AGBL1: variants seen among roughly 807,000 people sequenced by gnomAD.
AGBL1 encodes cytosolic carboxypeptidase 4.
A neutral mutation model predicts 118.9 loss-of-function variants in AGBL1; 130 were observed. That is an observed-to-expected ratio of 1.09 (90% CI 0.95 to 1.26). The LOEUF (loss-of-function observed/expected upper bound fraction) is 1.26. AGBL1 is among the 50% of genes most tolerant of loss of function. The pLI, the probability that AGBL1 is intolerant of heterozygous loss-of-function variation, is 0.00. For synonymous variants in AGBL1, 555 were observed against 478.9 expected, an observed-to-expected ratio of 1.16 and a Z score of -2.08; for missense variants, 1,584 against 1,298.1, an observed-to-expected ratio of 1.22 and a Z score of -3.38.
At chr15:86,896,679 T>G (rs1032645123) in intron 22 of AGBL1, among the ~76,000 whole-genome samples, 1 of 152,204 alleles carries the variant, frequency 6.6e-6, no homozygotes, top group South Asian at 2.1e-4. Context: ...CTGTAAAAGA[T>G]AAATTATTCC....
intron 24 of AGBL1, among the ~76,000 whole-genome samples, chr15:86,989,941 G>T (rs2081322361): frequency 6.6e-6 from 1 of 152,186 alleles, no homozygotes; most frequent in East Asian, 1.9e-4. Flanking sequence ...AACAGTGTGA[G>T]TGGGGTTCTA....
At chr15:86,743,568 T>A (rs2077711652) in intron 22 of AGBL1, among the ~76,000 whole-genome samples, 1 of 152,128 alleles carries the variant, frequency 6.6e-6, no homozygotes, top group Non-Finnish European at 1.5e-5. Flanking sequence ...CGTTCTTACC[T>A]GAATAACCCA....
In AGBL1 at chr15:86,579,480, C is replaced by T. The variant is rs544032087; in HGVS notation, c.2994+24943C>T. On this transcript the variant is annotated intron_variant, in intron 21 of 22. Coordinates refer to ENST00000614907, the MANE Select transcript of AGBL1 (RefSeq NM_001386094.1). ...GACTAAAATGAGGAAGCTGATATTT[C>T]TACTTTCTCCACGTAAGTCTCAATG... Among the ~76,000 whole-genome samples, 11 of 152,276 alleles carry T rather than the reference C, an allele frequency of 7.2e-5. No homozygotes were observed. The East Asian group carries it at 2.1e-3, about 29-fold the overall frequency.
At chr15:86,798,849 G>T (rs1187267484) in intron 22 of AGBL1, among the ~76,000 whole-genome samples, 1 of 151,456 alleles carries the variant, frequency 6.6e-6, no homozygotes, top group Non-Finnish European at 1.5e-5. Flanking sequence ...TGTTGTTGTC[G>T]TTTGTCCGTT....
At chr15:86,346,970 T>C (rs2080547702) in intron 17 of AGBL1, among the ~76,000 whole-genome samples, 1 of 152,226 alleles carries the variant, frequency 6.6e-6, no homozygotes, top group Admixed American at 6.5e-5. Flanking sequence ...ATGCTTCGTT[T>C]ACACAATATG....
At chr15:86,651,438 A>G (rs1015017817) in intron 21 of AGBL1, among the ~76,000 whole-genome samples, 2 of 152,208 alleles carry the variant, frequency 1.3e-5, no homozygotes, top group Non-Finnish European at 2.9e-5. Flanking sequence ...GTAGAAACAC[A>G]TAAGAAATGG....
At chr15:86,468,047 AG>A (rs1316934523) in intron 18 of AGBL1, among the ~76,000 whole-genome samples, 1 of 152,074 alleles carries the variant, frequency 6.6e-6, no homozygotes, top group Non-Finnish European at 1.5e-5. Context: ...TCCTTGGGGC[AG>A]GAATATGACT....
rs1342492312 is a variant in AGBL1, at chr15:86,154,353, C to T, written c.263-77C>T. 12 of 1,476,838 alleles carry T rather than the reference C, an allele frequency of 8.1e-6. 1 individual carries two copies. Among genetic ancestry groups the T allele is most frequent in the Non-Finnish European group, 9.1e-6 (10 of 1,093,952 alleles). The allele number at this position is 1,476,838 out of a possible 1,614,324, so 91.5% of individuals were successfully genotyped here. On this transcript the variant is annotated intron_variant, in intron 3 of 22. Coordinates refer to ENST00000614907, the MANE Select transcript of AGBL1 (RefSeq NM_001386094.1). The stretch of plus-strand genomic sequence containing the variant: ...TTATCCTCCTCCTTCACCATCTTCC[C>T]CTTCCTCCACTGTACTCATTGTACA...
intron 22 of AGBL1, among the ~76,000 whole-genome samples, chr15:86,855,733 G>A (rs1041748105): frequency 1.3e-5 from 2 of 152,124 alleles, no homozygotes; most frequent in African/African-American, 2.4e-5. Context: ...CACAGATCCC[G>A]TCATCTTCCT....
At chr15:86,489,761 C>T (rs779248269) in intron 18 of AGBL1, among the ~76,000 whole-genome samples, 4 of 152,112 alleles carry the variant, frequency 2.6e-5, no homozygotes, top group Admixed American at 2.0e-4. Context: ...TTGCCCTTGA[C>T]TGAAAAAGTT....
rs564151303 is a variant in AGBL1 at position 86,686,670 on chromosome 15, C to G, written c.3158+12234C>G. Among the ~76,000 whole-genome samples, 13 of 152,182 alleles carry G rather than the reference C, an allele frequency of 8.5e-5. No individual in the cohort carries two copies. The South Asian group carries it at 2.7e-3, about 32-fold the overall frequency. ...GCCAGGCTGGTCTTGAACTCCTAAC[C>G]TCGTGATCTGCCTGCCTTGGCCTCC... On this transcript the variant is annotated intron_variant, in intron 22 of 22. Transcript: ENST00000614907.
At position 86,971,691 on chromosome 15, in the gene AGBL1, T is replaced by C. The variant is rs551261569; in HGVS notation, c.3222-16296T>C. On this transcript the variant is annotated intron_variant, in intron 23 of 24. Coordinates refer to the AGBL1 transcript ENST00000441037. ...TGAGGTAATTTGGTATCTGGAAACATTGCAGCTCCCTCTCTTTTCATTCTT... is the reference window on the plus strand; with the variant it reads ...TGAGGTAATTTGGTATCTGGAAACACTGCAGCTCCCTCTCTTTTCATTCTT... Among the ~76,000 whole-genome samples, 4 of 152,100 alleles carry C rather than the reference T, an allele frequency of 2.6e-5. No homozygotes were observed. The South Asian group carries it at 8.3e-4, about 32-fold the overall frequency.
At chr15:86,355,297 A>G (rs576790758) in intron 17 of AGBL1, among the ~76,000 whole-genome samples, 1 of 152,326 alleles carries the variant, frequency 6.6e-6, no homozygotes, top group South Asian at 2.1e-4. Context: ...TATTTCAGGA[A>G]AAGTATCATA....
chr15:86,158,738 CAGTCA>C (rs1829967761), intron 4 of AGBL1, among the ~76,000 whole-genome samples, 190 bp from the exon 5 acceptor site: 1 of 152,192 alleles, frequency 6.6e-6, no homozygotes, highest in South Asian at 2.1e-4. Flanking sequence ...AGTTGCGGCA[CAGTCA>C]AGTCATTACC....
intron 1 of AGBL1, among the ~76,000 whole-genome samples, chr15:86,136,715 C>T (rs1339681588): frequency 6.6e-6 from 1 of 152,132 alleles, no homozygotes; most frequent in Non-Finnish European, 1.5e-5. Flanking sequence ...GGAGTGGCTG[C>T]AGCTGAGCCT....
At chr15:86,668,596 G>A (rs2142535626) in intron 21 of AGBL1, among the ~76,000 whole-genome samples, 1 of 152,198 alleles carries the variant, frequency 6.6e-6, no homozygotes, top group East Asian at 1.9e-4. Context: ...CTCTGTGCAT[G>A]TTTACAGAGG....
intron 21 of AGBL1, among the ~76,000 whole-genome samples, chr15:86,664,861 AT>A (rs2085614792): frequency 1.4e-5 from 2 of 148,042 alleles, no homozygotes; most frequent in East Asian, 4.1e-4. Flanking sequence ...ATAAAATAAT[AT>A]CTTAATTCAG....
intron 21 of AGBL1, among the ~76,000 whole-genome samples, chr15:86,616,205 C>T (rs1260450378): frequency 6.6e-6 from 1 of 151,760 alleles, no homozygotes; most frequent in Non-Finnish European, 1.5e-5. Flanking sequence ...GGCATTGAGG[C>T]AGGCACCTGT....
At chr15:86,489,230 A>G (rs1401831293) in intron 18 of AGBL1, among the ~76,000 whole-genome samples, 1 of 152,138 alleles carries the variant, frequency 6.6e-6, no homozygotes, top group Non-Finnish European at 1.5e-5. Flanking sequence ...TATGATAAGG[A>G]GCCTTCCATT....
Sources: gnomAD v4.1 joint callset for allele counts (sites outside exome capture counted in the v4.1 genomes callset) on GRCh38, gnomAD v4.1.1 for gene constraint, MANE v1.5 for transcripts, NCBI Gene and HGNC (gene_info 2026-07-23, HGNC 2026-07-21) for gene names.